Variants in CPS1 observed in about 807,000 individuals in gnomAD.
CPS1 encodes carbamoyl-phosphate synthase 1, also known as carbamoyl-phosphate synthase [ammonia], mitochondrial.
CPS1 carries 109 observed loss-of-function variants against 174.6 expected under a neutral mutation model. That is an observed-to-expected ratio of 0.62 (90% confidence interval 0.53 to 0.73). CPS1 has a LOEUF of 0.73. CPS1 is among the 30% of genes least tolerant of loss of function. CPS1 has a pLI of 0.00. For missense variants in CPS1, 1,689 were observed against 1,821.9 expected (o/e 0.93, Z 1.33); for synonymous variants, 637 against 632.0 (o/e 1.01, Z -0.12).
intron 21 of CPS1, among the ~76,000 whole-genome samples, chr2:210,621,657 A>G (rs954377597): frequency 2.0e-5 from 3 of 152,076 alleles, no homozygotes; most frequent in Non-Finnish European, 4.4e-5. Context: ...AATTTTGGTC[A>G]TGTAAAGATC....
At chr2:210,656,689 T>TA in intron 30 of CPS1, 57 bp downstream of exon 30, 1 of 1,072,962 alleles carries the variant, frequency 9.3e-7, no homozygotes, top group Admixed American at 2.1e-5. Flanking sequence ...AAAAAACACC[T>TA]AAGGTTTTTT....
At chr2:210,620,693 T>C (rs1699487432) in intron 21 of CPS1, among the ~76,000 whole-genome samples, 1 of 151,854 alleles carries the variant, frequency 6.6e-6, no homozygotes, top group Non-Finnish European at 1.5e-5. Flanking sequence ...TGCCACATAC[T>C]TTCAGACAAC....
chr2:210,536,080 C>T (rs1409526265), intron 1 of CPS1, among the ~76,000 whole-genome samples: 3 of 152,054 alleles, frequency 2.0e-5, no homozygotes, highest in Non-Finnish European at 2.9e-5. Context: ...TGACATTATC[C>T]TGCCATTTCC....
rs1698454084 is a variant in CPS1 at position 210,595,496 on chromosome 2, G to A, written c.1273G>A (p.Val425Ile). The A allele has an allele frequency of 1.2e-6, 2 of 1,609,084 alleles. No individual in the cohort carries two copies. The highest frequency in any genetic ancestry group is 4.5e-5 in the East Asian group (2 of 44,700). Reference sequence around the variant, plus strand: ...TTCTTATTGCTTATAGGTTTCCAAAGTCCTTATTCTAGGATCAGGAGGTCT... The same window carrying A: ...TTCTTATTGCTTATAGGTTTCCAAAATCCTTATTCTAGGATCAGGAGGTCT... ...LVASRVEVSK[V>I]LILGSGGLSI... The change falls in exon 13 of 38, where the codon GTC (valine) becomes ATC (isoleucine). Residue 425 changes from valine to isoleucine, a missense_variant. By Grantham distance (29) the Val-to-Ile change is conservative (BLOSUM62 3). Coordinates refer to ENST00000233072, the MANE Select transcript of CPS1 (RefSeq NM_001875.5).
At chr2:210,482,341 C>G (rs1014734812) in intron 1 of CPS1, among the ~76,000 whole-genome samples, 1 of 150,870 alleles carries the variant, frequency 6.6e-6, no homozygotes, top group African/African-American at 2.4e-5. Context: ...GAGTCTCGCT[C>G]TGTCTCCCAG....
intron 30 of CPS1, chr2:210,657,222 AG>A (rs1391828716): frequency 1.3e-5 from 2 of 157,246 alleles, no homozygotes; most frequent in African/African-American, 4.8e-5. Flanking sequence ...GAGCTCCGAG[AG>A]CCAGCCGTAT....
intron 11 of CPS1, chr2:210,593,277 T>C: frequency 6.4e-6 from 6 of 940,688 alleles, no homozygotes; most frequent in Non-Finnish European, 6.9e-6. Flanking sequence ...TTTTGCTCTC[T>C]CTCGTTCTCA....
rs569836557 is a variant in CPS1, at chr2:210,608,347, T to A, written c.2193-14T>A. On this transcript the variant is annotated splice_polypyrimidine_tract_variant and intron_variant, in intron 18 of 37. Coordinates refer to ENST00000233072, the MANE Select transcript of CPS1 (RefSeq NM_001875.5). The stretch of plus-strand genomic sequence containing the variant: ...GCTCGAAGAAAAAAAAATAAATTTG[T>A]CTTCTTTTTATAGCTACCCATTGGC... The A allele has an allele frequency of 1.6e-5, 25 of 1,610,380 alleles. No homozygotes were observed. The highest frequency in any genetic ancestry group is 8.4e-5 in the Admixed American group (5 of 59,792).
chr2:210,636,187 A>G (rs1420755996), intron 21 of CPS1, among the ~76,000 whole-genome samples: 1 of 152,168 alleles, frequency 6.6e-6, no homozygotes, highest in African/African-American at 2.4e-5. Flanking sequence ...GCTGGCCCAC[A>G]GGTATCTGGT....
At chr2:210,561,499 T>A (rs1419633438) in intron 1 of CPS1, among the ~76,000 whole-genome samples, 5 of 152,196 alleles carry the variant, frequency 3.3e-5, no homozygotes, top group Non-Finnish European at 7.3e-5. Context: ...TGCCTTTACA[T>A]CTGTATTAGA....
intron 1 of CPS1, among the ~76,000 whole-genome samples, chr2:210,531,686 T>C (rs1016529355): frequency 6.6e-6 from 1 of 152,162 alleles, no homozygotes; most frequent in African/African-American, 2.4e-5. Flanking sequence ...TTAGATTATT[T>C]ACAATCCACC....
chr2:210,590,630 A>G (rs1039345508), intron 8 of CPS1, among the ~76,000 whole-genome samples, 170 bp from the exon 9 acceptor site: 1 of 152,072 alleles, frequency 6.6e-6, no homozygotes, highest in African/African-American at 2.4e-5. Flanking sequence ...CATCTTAATG[A>G]ATTATAATGC....
intron 1 of CPS1, among the ~76,000 whole-genome samples, chr2:210,487,931 C>T (rs1694771035): frequency 6.6e-6 from 1 of 152,104 alleles, no homozygotes; most frequent in Non-Finnish European, 1.5e-5. Flanking sequence ...TGGAATTAGG[C>T]CACAAAATCA....
intron 32 of CPS1, 72 bp from the exon 33 acceptor site, chr2:210,663,051 T>G: frequency 7.2e-7 from 1 of 1,390,356 alleles, no homozygotes; most frequent in Non-Finnish European, 1.0e-6. Flanking sequence ...TGCTAATATA[T>G]TTATCCTCTC....
intron 21 of CPS1, chr2:210,619,409 A>T (rs1699429063): frequency 1.3e-5 from 2 of 151,844 alleles, no homozygotes; most frequent in Non-Finnish European, 2.9e-5. Flanking sequence ...GCCCAAGAAA[A>T]TTTTTCCTCT....
chr2:210,524,559 T>C (rs937709941), intron 1 of CPS1, among the ~76,000 whole-genome samples: 1 of 151,990 alleles, frequency 6.6e-6, no homozygotes, highest in Non-Finnish European at 1.5e-5. Flanking sequence ...TTATGGTTTC[T>C]ATACCCCAGT....
intron 26 of CPS1, 132 bp downstream of exon 26, chr2:210,648,189 AGTT>A: frequency 2.2e-6 from 2 of 895,362 alleles, no homozygotes; most frequent in Non-Finnish European, 1.8e-6. Context: ...GTGAATTTAA[AGTT>A]GTTGTATATC....
intron 21 of CPS1, among the ~76,000 whole-genome samples, chr2:210,632,188 AAAAAAC>A (rs1309945582): frequency 6.6e-6 from 1 of 152,198 alleles, no homozygotes; most frequent in Non-Finnish European, 1.5e-5. Context: ...AGTTTGATCA[AAAAAAC>A]AAAAACAAAA....
At chr2:210,511,278 A>G (rs1295786514) in intron 1 of CPS1, among the ~76,000 whole-genome samples, 1 of 152,092 alleles carries the variant, frequency 6.6e-6, no homozygotes, top group East Asian at 1.9e-4. Flanking sequence ...AACCATCGCA[A>G]GGAGAAAAAA....
Sources: gnomAD v4.1 joint callset for allele counts (sites outside exome capture counted in the v4.1 genomes callset) on GRCh38, gnomAD v4.1.1 for gene constraint, MANE v1.5 for transcripts, NCBI Gene and HGNC (gene_info 2026-07-23, HGNC 2026-07-21) for gene names.